Variants in USF3 observed in about 807,000 individuals in gnomAD.
The protein encoded by USF3 is basic helix-loop-helix domain-containing protein USF3.
In USF3, 29 loss-of-function variants were observed where a neutral mutation model predicts 157.5. The observed-to-expected ratio is 0.18, with a 90% CI of 0.14 to 0.25. The LOEUF (loss-of-function observed/expected upper bound fraction) is 0.25, where lower values mean the gene tolerates loss of function less well. Among genes scored for constraint, USF3 ranks in the 10% least tolerant of loss-of-function variants. The probability of loss-of-function intolerance (pLI) is 1.00; values close to 1 mark genes in which losing one functional copy is unlikely to be tolerated. For synonymous variants in USF3, 893 were observed against 941.4 expected (o/e 0.95, Z 0.94); for missense variants, 2,381 against 2,667.6 (o/e 0.89, Z 2.37).
intron 1 of USF3, among the ~76,000 whole-genome samples, chr3:113,689,325 A>G (rs187849638): frequency 6.6e-6 from 1 of 152,346 alleles, no homozygotes; most frequent in African/African-American, 2.4e-5. Flanking sequence ...TGCCTGGTAC[A>G]TAGCAGGTGC....
rs1485558290 is a variant in USF3 at position 113,652,254 on chromosome 3, CT to C, written c.*2689del. On this transcript the variant is annotated 3_prime_UTR_variant, in exon 7 of 7. Coordinates refer to ENST00000316407, the MANE Select transcript of USF3 (RefSeq NM_001009899.4). Reference sequence around the variant, plus strand: ...AACTGTCCTTCTTGAAATTGGCACACTGGACCTTTCAAGTACAAAGAAAAAT... The same window carrying C: ...AACTGTCCTTCTTGAAATTGGCACACGGACCTTTCAAGTACAAAGAAAAAT... 1 of 152,080 alleles carries C rather than the reference CT, an allele frequency of 6.6e-6. No individual in the cohort carries two copies. The highest frequency in any genetic ancestry group is 1.9e-4 in the East Asian group (1 of 5,180). The allele number at this position is 152,080 out of a possible 1,614,324, so 9.4% of individuals were successfully genotyped here. A position where few individuals can be genotyped will look rare whatever the true frequency, so the allele number is the denominator to read the frequency against.
At chr3:113,695,897 G>A (rs902780793) in intron 1 of USF3, among the ~76,000 whole-genome samples, 1 of 152,218 alleles carries the variant, frequency 6.6e-6, no homozygotes, top group Non-Finnish European at 1.5e-5. Flanking sequence ...CGACAGAGGG[G>A]TGAGAGGGAA....
In USF3 at chr3:113,658,380, G is replaced by C; in HGVS notation, c.3302C>G (p.Ala1101Gly). The C allele has an allele frequency of 6.2e-7, 1 of 1,614,116 alleles. No homozygotes were observed. The highest frequency in any genetic ancestry group is 8.5e-7 in the Non-Finnish European group (1 of 1,180,012). Residue 1101 changes from alanine to glycine, a missense_variant, in exon 7 of 7, where the codon GCA (alanine) becomes GGA (glycine). By Grantham distance (60) the Ala-to-Gly change is moderately conservative (BLOSUM62 0). This residue lies in a region of USF3 where 1,435 missense variants were observed against 1,550.9 expected (regional missense o/e 0.93). Coordinates refer to ENST00000316407, the MANE Select transcript of USF3 (RefSeq NM_001009899.4). ...TCTTGTTGTTTCAGGAAGCATGGATGCAACTGAGAAACTACGACTACTGCC... is the reference window on the plus strand; with the variant it reads ...TCTTGTTGTTTCAGGAAGCATGGATCCAACTGAGAAACTACGACTACTGCC... Reference protein sequence around the residue: ...SSGSSRSFSVASMLPETTRED... With the variant: ...SSGSSRSFSVGSMLPETTRED...
chr3:113,677,050 A>T (rs1171957798), intron 2 of USF3, among the ~76,000 whole-genome samples: 4 of 152,202 alleles, frequency 2.6e-5, no homozygotes. Context: ...CTGGGAAATA[A>T]GTAGACATGA....
rs1166968780 is a variant in USF3, at chr3:113,648,585, A to G, written c.*6359T>C. On this transcript the variant is annotated 3_prime_UTR_variant, in exon 7 of 7. Coordinates refer to ENST00000316407, the MANE Select transcript of USF3 (RefSeq NM_001009899.4). ...GTCAAAATAAACAGGACCTATTCTT[A>G]TTTACAACTGTAGGACAATCCTGAT... is the stretch of plus-strand genomic sequence containing the variant. The G allele has an allele frequency of 4.6e-5, 7 of 152,742 alleles. No individual in the cohort carries two copies. Among genetic ancestry groups the G allele is most frequent in the African/African-American group, 1.7e-4 (7 of 41,572 alleles). The allele number at this position is 152,742 out of a possible 1,614,324, so 9.5% of individuals were successfully genotyped here.
In USF3 at chr3:113,654,992, G is replaced by A. The variant is rs1175410952; in HGVS notation, c.6690C>T (p.Ala2230=). The A allele has an allele frequency of 1.2e-6, 2 of 1,613,976 alleles. No individual in the cohort carries two copies. The highest frequency in any genetic ancestry group is 1.7e-5 in the Admixed American group (1 of 60,014). Residue 2230 remains alanine (A), a synonymous_variant, in exon 7 of 7, where the codon GCC becomes GCT. Coordinates refer to ENST00000316407, the MANE Select transcript of USF3 (RefSeq NM_001009899.4). Reference sequence around the variant, plus strand: ...GACCTAGAATATGGCTTATGTTATGGGCAGGTCTGTTTGAGGACTGCTTGG... The same window carrying A: ...GACCTAGAATATGGCTTATGTTATGAGCAGGTCTGTTTGAGGACTGCTTGG... ...DSSKQSSNRP[A]HNISHILGHD...
At position 113,659,394 on chromosome 3, in the gene USF3, G is replaced by A. The variant is rs1218383461; in HGVS notation, c.2288C>T (p.Thr763Ile). The change falls in exon 7 of 7, where the codon ACA becomes ATA. Residue 763 changes from threonine (T) to isoleucine (I), a missense_variant. Around this residue, in one of 6 missense-constraint regions of USF3, gnomAD observed 1,435 missense variants for 1,550.9 expected, o/e 0.93. Transcript: ENST00000316407. ...LTTTAAPPVTTDSSATLASTY... is the reference protein window; with the variant it reads ...LTTTAAPPVTIDSSATLASTY... The stretch of plus-strand genomic sequence containing the variant: ...ACTAGCTAGTGTGGCTGAACTATCT[G>A]TTGTCACAGGAGGTGCTGCAGTTGT... The A allele has an allele frequency of 3.7e-6, 6 of 1,614,108 alleles. No individual in the cohort carries two copies. In the African/African-American group the frequency reaches 4.0e-5, roughly 11 times the overall value.
At chr3:113,689,647 C>G (rs1049639201) in intron 1 of USF3, among the ~76,000 whole-genome samples, 2 of 152,164 alleles carry the variant, frequency 1.3e-5, no homozygotes, top group African/African-American at 4.8e-5. Flanking sequence ...GTCTATTTCT[C>G]TCCTCATGTT....
chr3:113,662,212 A>G (rs1448454359), intron 6 of USF3, among the ~76,000 whole-genome samples: 1 of 152,238 alleles, frequency 6.6e-6, no homozygotes, highest in East Asian at 1.9e-4. Context: ...GACAAAAAGG[A>G]ATAGAACACA....
At chr3:113,680,954 GTTCT>G (rs1707408608) in intron 1 of USF3, among the ~76,000 whole-genome samples, 2 of 151,780 alleles carry the variant, frequency 1.3e-5, no homozygotes, top group Admixed American at 1.3e-4. Context: ...GTACTGTTAG[GTTCT>G]TTATTTGAAG....
chr3:113,677,103 G>T (rs1707298767), intron 2 of USF3, among the ~76,000 whole-genome samples, 179 bp downstream of exon 2: 1 of 152,176 alleles, frequency 6.6e-6, no homozygotes, highest in South Asian at 2.1e-4. Flanking sequence ...GAAGCAGCCT[G>T]TCGAGAAATG....
At chr3:113,675,018 A>T in intron 2 of USF3, 122 bp from the exon 3 acceptor site, 2 of 691,134 alleles carry the variant, frequency 2.9e-6, no homozygotes, top group East Asian at 5.3e-5. Context: ...ATTGAAAAGC[A>T]TTGGATTAGG....
chr3:113,679,040 T>TCC (rs1223842612), intron 1 of USF3, among the ~76,000 whole-genome samples: 49 of 151,418 alleles, frequency 3.2e-4, no homozygotes, highest in Middle Eastern at 3.4e-3. Flanking sequence ...TCTCTCTCTC[T>TCC]CCAACTCCTG....
rs1375576730 is a variant in USF3, at chr3:113,658,275, G to C, written c.3407C>G (p.Ala1136Gly). The change falls in exon 7 of 7, where the codon GCA (alanine) becomes GGA (glycine). Residue 1136 changes from alanine (A) to glycine (G), a missense_variant. This residue lies in a region of USF3 where 1,435 missense variants were observed against 1,550.9 expected (regional missense o/e 0.93). Transcript: ENST00000316407. ...CTCCTGGTCAAAAATAGCTCTTGCTGCAAGAGCTACTATATCAGTTTGCTC... is the reference window on the plus strand; with the variant it reads ...CTCCTGGTCAAAAATAGCTCTTGCTCCAAGAGCTACTATATCAGTTTGCTC... Reference protein sequence around the residue: ...FVEQTDIVALAARAIFDQENL... With the variant: ...FVEQTDIVALGARAIFDQENL... 1.2e-6 allele frequency: 2 copies of C among 1,614,024 alleles called. No individual in the cohort carries two copies. The highest frequency in any genetic ancestry group is 1.7e-6 in the Non-Finnish European group (2 of 1,180,022).
At chr3:113,673,425 T>C in intron 3 of USF3, 49 bp from the exon 4 acceptor site, 1 of 1,131,632 alleles carries the variant, frequency 8.8e-7, no homozygotes, top group Non-Finnish European at 1.3e-6. Context: ...AATGGGAAAG[T>C]ATTTTTACCA....
At chr3:113,667,728 G>A (rs1017135604) in intron 5 of USF3, among the ~76,000 whole-genome samples, 2 of 151,996 alleles carry the variant, frequency 1.3e-5, no homozygotes, top group African/African-American at 2.4e-5. Flanking sequence ...TTAGCCTGGC[G>A]TGGTGGCATG....
chr3:113,666,197 A>AAT (rs1194750646), intron 5 of USF3, among the ~76,000 whole-genome samples: 95 of 148,764 alleles, frequency 6.4e-4, no homozygotes, highest in Admixed American at 1.5e-3. Flanking sequence ...AAAAATAATA[A>AAT]ATATATATAT....
At chr3:113,696,346 C>A (rs1355303871) in intron 1 of USF3, 24 bp downstream of exon 1, 2 of 150,838 alleles carry the variant, frequency 1.3e-5, no homozygotes, top group Non-Finnish European at 3.0e-5. Context: ...CGGCTGTCAG[C>A]GGCCCCCTCC....
chr3:113,669,442 T>C (rs766635676), intron 5 of USF3, among the ~76,000 whole-genome samples: 29 of 152,328 alleles, frequency 1.9e-4, no homozygotes, highest in Non-Finnish European at 2.6e-4. Context: ...GCTATGTGTC[T>C]TATTAACTTT....
Sources: gnomAD v4.1 joint callset for allele counts (sites outside exome capture counted in the v4.1 genomes callset) on GRCh38, gnomAD v4.1.1 for gene constraint, gnomAD v4.1.1 regional missense constraint, MANE v1.5 for transcripts, NCBI Gene and HGNC (gene_info 2026-07-23, HGNC 2026-07-21) for gene names.